Variants in CCDC148 observed in about 807,000 individuals in gnomAD.
CCDC148 encodes the protein coiled-coil domain-containing protein 148.
Under a neutral mutation model 85.7 loss-of-function variants are expected in CCDC148, and 89 were observed. The ratio of observed to expected loss-of-function variants is 1.04; its 90% CI spans 0.87 to 1.24. CCDC148 has a LOEUF of 1.24. Ranked by LOEUF, CCDC148 falls within the 50% of genes most tolerant of loss-of-function variation. The pLI is 0.00. For synonymous variants in CCDC148, 230 were observed against 213.9 expected (o/e 1.08, Z -0.66); for missense variants, 692 against 671.7 (o/e 1.03, Z -0.33).
chr2:158,180,209 T>C (rs1370233135), intron 11 of CCDC148, among the ~76,000 whole-genome samples: 3 of 152,178 alleles, frequency 2.0e-5, no homozygotes, highest in East Asian at 3.9e-4. Context: ...ACACCTTCAC[T>C]AGACCTTTTA....
chr2:158,179,106 A>ATTTTT, intron 11 of CCDC148, 110 bp from the exon 12 acceptor site: 1 of 465,076 alleles, frequency 2.2e-6, no homozygotes, highest in Non-Finnish European at 3.6e-6. Context: ...GCACTGTCAC[A>ATTTTT]TTTTTTTTTT....
chr2:158,417,736 C>G (rs1273736564), intron 1 of CCDC148, among the ~76,000 whole-genome samples: 2 of 152,150 alleles, frequency 1.3e-5, no homozygotes, highest in Non-Finnish European at 2.9e-5. Flanking sequence ...GTCTTGTTGT[C>G]TATTCCTTGG....
At chr2:158,351,127 T>G (rs1431392098) in intron 2 of CCDC148, among the ~76,000 whole-genome samples, 1 of 152,208 alleles carries the variant, frequency 6.6e-6, no homozygotes, top group Admixed American at 6.5e-5. Context: ...TTTATTGCAG[T>G]TTATACTTCG....
At chr2:158,203,083 G>A (rs1338233902) in intron 11 of CCDC148, among the ~76,000 whole-genome samples, 1 of 152,164 alleles carries the variant, frequency 6.6e-6, no homozygotes, top group Non-Finnish European at 1.5e-5. Context: ...CAGTGTGATT[G>A]GAGTCATAAT....
At chr2:158,210,824 T>C (rs1574408744) in intron 11 of CCDC148, among the ~76,000 whole-genome samples, 1 of 143,092 alleles carries the variant, frequency 7.0e-6, no homozygotes, top group South Asian at 2.2e-4. Context: ...CCGGGCATGG[T>C]AGCAGGTGCC....
At chr2:158,202,680 C>T (rs1009692455) in intron 11 of CCDC148, among the ~76,000 whole-genome samples, 14 of 152,182 alleles carry the variant, frequency 9.2e-5, no homozygotes, top group African/African-American at 2.9e-4. Context: ...TGGCTCTGTT[C>T]CAATAAAACT....
chr2:158,176,425 T>A (rs1235530263), intron 13 of CCDC148, 96 bp downstream of exon 13: 1 of 1,188,028 alleles, frequency 8.4e-7, no homozygotes, highest in Non-Finnish European at 1.2e-6. Flanking sequence ...TATTCAAATG[T>A]AAATATTGAA....
intron 1 of CCDC148, chr2:158,380,733 C>G (rs1684835507): frequency 6.6e-6 from 1 of 152,094 alleles, no homozygotes; most frequent in Admixed American, 6.6e-5. Context: ...TTATGAAGTT[C>G]TAATAATCAA....
intron 1 of CCDC148, chr2:158,381,013 T>G (rs940984963): frequency 6.6e-6 from 1 of 152,128 alleles, no homozygotes; most frequent in African/African-American, 2.4e-5. Flanking sequence ...AAATGAGCAT[T>G]TTGGAAGAAA....
At chr2:158,331,313 A>G (rs546275928) in intron 7 of CCDC148, among the ~76,000 whole-genome samples, 10 of 152,142 alleles carry the variant, frequency 6.6e-5, no homozygotes, top group Non-Finnish European at 1.3e-4. Context: ...GTAGTTGAGC[A>G]GTTTTGAGTG....
chr2:158,416,446 G>C (rs1232854463), intron 1 of CCDC148, among the ~76,000 whole-genome samples: 1 of 152,154 alleles, frequency 6.6e-6, no homozygotes, highest in African/African-American at 2.4e-5. Flanking sequence ...GCCACATCTT[G>C]AATGCTTTGC....
chr2:158,393,741 GATTTTTAA>G (rs889218299), intron 1 of CCDC148, among the ~76,000 whole-genome samples: 2 of 152,136 alleles, frequency 1.3e-5, no homozygotes, highest in African/African-American at 4.8e-5. Context: ...GAGGTGGATG[GATTTTTAA>G]AGAGAAATCA....
chr2:158,404,842 A>G (rs997192334), intron 1 of CCDC148, among the ~76,000 whole-genome samples: 4 of 152,156 alleles, frequency 2.6e-5, no homozygotes, highest in Admixed American at 6.6e-5. Flanking sequence ...CAGCAAATCA[A>G]CCAATCCATT....
intron 1 of CCDC148, among the ~76,000 whole-genome samples, chr2:158,449,934 C>T (rs1184325228): frequency 2.0e-5 from 3 of 151,966 alleles, no homozygotes; most frequent in African/African-American, 7.2e-5. Context: ...AGCATTTTAC[C>T]GTGAATCGGT....
intron 11 of CCDC148, chr2:158,207,762 CA>C (rs1686328783): frequency 6.6e-6 from 1 of 152,150 alleles, no homozygotes; most frequent in South Asian, 2.1e-4. Flanking sequence ...TCAACCTATG[CA>C]AGCAAGTCCT....
chr2:158,375,302 AT>A, intron 1 of CCDC148, among the ~76,000 whole-genome samples: 1 of 152,214 alleles, frequency 6.6e-6, no homozygotes. Flanking sequence ...TAATGAAATA[AT>A]TTTTATACAA....
intron 10 of CCDC148, among the ~76,000 whole-genome samples, chr2:158,230,002 A>T (rs1687772490): frequency 6.6e-6 from 1 of 152,144 alleles, no homozygotes; most frequent in Admixed American, 6.6e-5. Context: ...CACTGCTCTC[A>T]CTAGTGAGTT....
At chr2:158,283,426 T>G (rs1645942547) in intron 9 of CCDC148, among the ~76,000 whole-genome samples, 1 of 151,510 alleles carries the variant, frequency 6.6e-6, no homozygotes, top group South Asian at 2.1e-4. Context: ...CTCAAACAAA[T>G]TTACAAGTGA....
At chr2:158,173,745 C>A (rs1268323575) in intron 13 of CCDC148, among the ~76,000 whole-genome samples, 1 of 151,964 alleles carries the variant, frequency 6.6e-6, no homozygotes, top group African/African-American at 2.4e-5. Flanking sequence ...CCAGGTTTTT[C>A]CTCTTCTGTC....
Sources: gnomAD v4.1 joint callset for allele counts (sites outside exome capture counted in the v4.1 genomes callset) on GRCh38, gnomAD v4.1.1 for gene constraint, MANE v1.5 for transcripts, NCBI Gene and HGNC (gene_info 2026-07-23, HGNC 2026-07-21) for gene names.